GFPT2: variants seen among roughly 807,000 people sequenced by gnomAD.
The protein encoded by GFPT2 is glutamine--fructose-6-phosphate aminotransferase [isomerizing] 2.
Under a neutral mutation model 85.6 loss-of-function variants are expected in GFPT2, and 62 were observed. That is an observed-to-expected ratio of 0.72 (90% confidence interval 0.59 to 0.90). The LOEUF (loss-of-function observed/expected upper bound fraction) is 0.90, where lower values mean the gene tolerates loss of function less well. Among genes scored for constraint, GFPT2 ranks in the 40% least tolerant of loss-of-function variants. The pLI is 0.00. For synonymous variants in GFPT2, 368 were observed against 344.5 expected (o/e 1.07, Z -0.75); for missense variants, 788 against 893.4 (o/e 0.88, Z 1.50).
At chr5:180,307,861 G>C (rs534826654) in intron 15 of GFPT2, among the ~76,000 whole-genome samples, 1 of 152,050 alleles carries the variant, frequency 6.6e-6, no homozygotes, top group South Asian at 2.1e-4. Flanking sequence ...GCCTGTAATC[G>C]CCGCACTTTG....
chr5:180,307,620 C>G (rs996259733), intron 15 of GFPT2, among the ~76,000 whole-genome samples: 68 of 152,180 alleles, frequency 4.5e-4, no homozygotes, highest in African/African-American at 1.6e-3. Flanking sequence ...GGAGACAGAG[C>G]TGACACCACC....
intron 3 of GFPT2, chr5:180,336,250 A>C: frequency 1.7e-6 from 1 of 586,736 alleles, no homozygotes. Flanking sequence ...TAAAATAACT[A>C]CTGTATGTAA....
intron 12 of GFPT2, 84 bp downstream of exon 12, chr5:180,316,679 GA>G: frequency 9.7e-7 from 1 of 1,030,030 alleles, no homozygotes; most frequent in Non-Finnish European, 1.5e-6. Context: ...GCCAAATTCA[GA>G]AGGCCACATG....
In GFPT2 at chr5:180,323,364, C is replaced by T. The variant is rs1764157706; in HGVS notation, c.794+824G>A. 6.6e-6 allele frequency among the ~76,000 whole-genome samples: 1 copy of T among 152,110 alleles called. No homozygotes were observed. Among genetic ancestry groups the T allele is most frequent in the Non-Finnish European group, 1.5e-5 (1 of 68,034 alleles). ...TTCCCAGGAGACCCGGCCTGGTGTC[C>T]TCCCTGCCTCACAGCACGGCCCTAT... On this transcript the variant is annotated intron_variant, in intron 9 of 18. Coordinates refer to ENST00000253778, the MANE Select transcript of GFPT2 (RefSeq NM_005110.4). The surrounding 1 kb of genome is among the most constrained non-coding windows in gnomAD (Gnocchi z 4.0).
At chr5:180,321,766 T>G (rs1409671394) in intron 9 of GFPT2, among the ~76,000 whole-genome samples, 1 of 11,050 alleles carries the variant, frequency 9.0e-5, no homozygotes, top group Non-Finnish European at 1.6e-4. Context: ...TGGAGGGTTT[T>G]GTTTTGTTTT....
chr5:180,331,102 G>A (rs955129776), intron 5 of GFPT2, among the ~76,000 whole-genome samples: 8 of 152,306 alleles, frequency 5.3e-5, no homozygotes, highest in South Asian at 4.1e-4. Context: ...GATAAAATAC[G>A]TTGAGTCAAA....
chr5:180,326,297 G>T (rs890407880), intron 7 of GFPT2, among the ~76,000 whole-genome samples: 1 of 151,180 alleles, frequency 6.6e-6, no homozygotes, highest in South Asian at 2.1e-4. Context: ...AAACACCGAC[G>T]AACACTGTAA....
At chr5:180,336,621 T>TC (rs1437368515) in intron 2 of GFPT2, 44 bp from the exon 3 acceptor site, 4 of 1,289,404 alleles carry the variant, frequency 3.1e-6, no homozygotes, top group African/African-American at 1.5e-5. Flanking sequence ...CAAAGCTTTT[T>TC]CTCACACACT....
intron 7 of GFPT2, among the ~76,000 whole-genome samples, chr5:180,326,061 A>C (rs1327983795): frequency 6.6e-6 from 1 of 151,824 alleles, no homozygotes; most frequent in Non-Finnish European, 1.5e-5. Context: ...AAAGGATCTC[A>C]TGATTTAAAT....
chr5:180,318,084 G>T lies in GFPT2; in HGVS notation c.958+709C>A, dbSNP rs1171294132. On this transcript the variant is annotated intron_variant, in intron 10 of 18. Transcript: ENST00000253778. The surrounding 1 kb of genome is among the most constrained non-coding windows in gnomAD (Gnocchi z 4.2). ...CATGGCAGACACAGGAGCAGAGAAGGAGTCTCTGAGGGGGTGACATTTCAA... is the reference window on the plus strand; with the variant it reads ...CATGGCAGACACAGGAGCAGAGAAGTAGTCTCTGAGGGGGTGACATTTCAA... Among the ~76,000 whole-genome samples, 3 of 152,150 alleles carry T rather than the reference G, an allele frequency of 2.0e-5. No individual in the cohort carries two copies. Among genetic ancestry groups the T allele is most frequent in the Non-Finnish European group, 2.9e-5 (2 of 68,036 alleles).
chr5:180,309,580 C>T (rs1004651047), intron 15 of GFPT2, among the ~76,000 whole-genome samples: 1 of 151,908 alleles, frequency 6.6e-6, no homozygotes, highest in Non-Finnish European at 1.5e-5. Context: ...ACCACCACAC[C>T]CAGCTATTTT....
intron 9 of GFPT2, among the ~76,000 whole-genome samples, 154 bp from the exon 10 acceptor site, chr5:180,319,110 T>C (rs1764070873): frequency 6.6e-6 from 1 of 152,218 alleles, no homozygotes; most frequent in Non-Finnish European, 1.5e-5. Flanking sequence ...AGGTGAATCT[T>C]CCTTTTCTTC....
At chr5:180,307,690 G>A (rs1019500978) in intron 15 of GFPT2, among the ~76,000 whole-genome samples, 4 of 152,156 alleles carry the variant, frequency 2.6e-5, no homozygotes, top group South Asian at 2.1e-4. Context: ...TGGGACCACC[G>A]GTTCTCAAAC....
Position 180,348,570 on chromosome 5 carries a change from G to A in GFPT2, c.7+4641C>T, listed in dbSNP as rs555017329. On this transcript the variant is annotated intron_variant, in intron 1 of 18. Coordinates refer to ENST00000253778, the MANE Select transcript of GFPT2 (RefSeq NM_005110.4). Reference sequence around the variant, plus strand: ...CCTGGCGGGGGCCCTGAGCAGACGCGGCACCTGGCTCAGGGTAAGAAGGGG... The same window carrying A: ...CCTGGCGGGGGCCCTGAGCAGACGCAGCACCTGGCTCAGGGTAAGAAGGGG... Among the ~76,000 whole-genome samples the A allele has an allele frequency of 3.3e-5, 5 of 152,290 alleles. No homozygotes were observed. The South Asian group carries it at 8.3e-4, about 25-fold the overall frequency.
At chr5:180,305,479 G>A (rs184676239) in intron 16 of GFPT2, among the ~76,000 whole-genome samples, 25 of 152,162 alleles carry the variant, frequency 1.6e-4, no homozygotes, top group East Asian at 9.7e-4. Context: ...ACAAATCCAC[G>A]TCATTGAAAT....
chr5:180,328,733 C>T lies in GFPT2; in HGVS notation c.535-395G>A, dbSNP rs956942450. Among the ~76,000 whole-genome samples the T allele has an allele frequency of 2.0e-5, 3 of 152,192 alleles. No homozygotes were observed. The highest frequency in any genetic ancestry group is 2.1e-4 in the South Asian group (1 of 4,832). The stretch of plus-strand genomic sequence containing the variant: ...GTGAAGTGCACTTTAGCTCAACACA[C>T]GGTAGGGCCTGGGTTCAAATCCTGG... On this transcript the variant is annotated intron_variant, in intron 6 of 18. Transcript: ENST00000253778. The surrounding 1 kb of genome is among the most constrained non-coding windows in gnomAD (Gnocchi z 5.4).
At chr5:180,339,483 G>A (rs892086558) in intron 1 of GFPT2, among the ~76,000 whole-genome samples, 4 of 151,612 alleles carry the variant, frequency 2.6e-5, no homozygotes, top group African/African-American at 9.7e-5. Context: ...GTAGGCCTAT[G>A]AGTCAAGAAG....
intron 1 of GFPT2, among the ~76,000 whole-genome samples, chr5:180,342,411 T>G (rs1169369671): frequency 1.4e-5 from 2 of 147,000 alleles, no homozygotes; most frequent in African/African-American, 5.0e-5. Flanking sequence ...TGAAATGTTT[T>G]TTTTTTTTTT....
rs1446816400 is a variant in GFPT2, at chr5:180,324,534, G to A, written c.677-229C>T. On this transcript the variant is annotated intron_variant, in intron 8 of 18. Transcript: ENST00000253778. ...ATGCAAACAAAAACAAACCAAAGAA[G>A]CACTCACATCAAAGCCCAGTTGCCG... 3 of 583,318 alleles carry A rather than the reference G, an allele frequency of 5.1e-6. No homozygotes were observed. The African/African-American group carries it at 5.6e-5, about 11-fold the overall frequency. The allele number at this position is 583,318 out of a possible 1,614,324, so 36.1% of individuals were successfully genotyped here.
Sources: gnomAD v4.1 joint callset for allele counts (sites outside exome capture counted in the v4.1 genomes callset) on GRCh38, gnomAD v4.1.1 for gene constraint, Gnocchi (gnomAD v3.1) non-coding constraint, MANE v1.5 for transcripts, NCBI Gene and HGNC (gene_info 2026-07-23, HGNC 2026-07-21) for gene names.